DCTN1: variants seen among roughly 807,000 people sequenced by gnomAD.
DCTN1 encodes the protein 150 kDa dynein-associated polypeptide.
In DCTN1, 61 loss-of-function variants were observed where a neutral mutation model predicts 161.2. The observed-to-expected ratio is 0.38, with a 90% CI of 0.31 to 0.47. The LOEUF is 0.47. DCTN1 is among the 20% of genes least tolerant of loss of function. DCTN1 has a pLI of 0.99. For missense variants in DCTN1, 1,404 were observed against 1,623.7 expected, an observed-to-expected ratio of 0.86 and a Z score of 2.33; for synonymous variants, 653 against 632.4, an observed-to-expected ratio of 1.03 and a Z score of -0.49.
Position 74,370,773 on chromosome 2 carries a change from T to C in DCTN1, c.896A>G (p.Asp299Gly). Residue 299 changes from aspartate (D) to glycine (G), a missense_variant, in exon 10 of 32, where the codon GAT becomes GGT. Transcript: ENST00000628224. The surrounding 1 kb of genome is among the most constrained non-coding windows in gnomAD (Gnocchi z 4.4). ...GGCCATCTCAATGGCATCAGCAGTA[T>C]CAGCCATCTCCTCCATATAGCGTTC... ...AKERYMEEMA[D>G]TADAIEMATL... The C allele has an allele frequency of 6.2e-7, 1 of 1,614,200 alleles. No homozygotes were observed. The highest frequency in any genetic ancestry group is 8.5e-7 in the Non-Finnish European group (1 of 1,180,040).
chr2:74,366,746 C>T (rs768087061), intron 21 of DCTN1, 37 bp downstream of exon 21: 1 of 1,614,244 alleles, frequency 6.2e-7, no homozygotes, highest in Non-Finnish European at 8.5e-7. Flanking sequence ...CATGTTTCTA[C>T]TCAGTTTCCT....
chr2:74,391,211 G>A (rs979002011), intron 1 of DCTN1: 1 of 155,496 alleles, frequency 6.4e-6, no homozygotes, highest in Non-Finnish European at 1.4e-5. Flanking sequence ...GGTCAACATG[G>A]GTTTGCTGCT....
At chr2:74,368,303 T>C in intron 16 of DCTN1, 172 bp from the exon 17 acceptor site, 1 of 839,206 alleles carries the variant, frequency 1.2e-6, no homozygotes, top group Non-Finnish European at 1.9e-6. Context: ...AGGGTAGTGA[T>C]GTGATTACTG....
chr2:74,372,937 C>T lies in DCTN1; in HGVS notation c.444G>A (p.Arg148=). 6.2e-7 allele frequency: 1 copy of T among 1,613,968 alleles called. No homozygotes were observed. The change falls in exon 7 of 32, where the codon CGG becomes CGA. Residue 148 remains arginine, a synonymous_variant. Transcript: ENST00000628224. ...KAPTARKTTT[R]RPKPTRPAST... is the part of the protein sequence containing the mutation. ...GGGCCTGTTTTCTCACCTTGGGTCG[C>T]CGAGTTGTGGTCTGGACAGGCAACA...
chr2:74,371,806 G>C (rs539590382), intron 7 of DCTN1, 78 bp from the exon 8 acceptor site: 1 of 1,188,116 alleles, frequency 8.4e-7, no homozygotes, highest in South Asian at 1.3e-5. Context: ...CAGAATATGA[G>C]AATATGGCAA....
Position 74,367,865 on chromosome 2 carries a change from C to T in DCTN1, c.2016-1G>A. 6.2e-7 allele frequency: 1 copy of T among 1,614,204 alleles called. No homozygotes were observed. Among genetic ancestry groups the T allele is most frequent in the Non-Finnish European group, 8.5e-7 (1 of 1,180,036 alleles). On this transcript the variant is annotated splice_acceptor_variant, in intron 17 of 31. Transcript: ENST00000628224. LOFTEE classifies it high-confidence loss of function. ...ATCCACACTGCACTGAGAGAGGGCA[C>T]TAGAGACCAGAGAAGGGCACTGTGA...
intron 15 of DCTN1, 22 bp from the exon 16 acceptor site, chr2:74,368,902 G>A: frequency 6.2e-7 from 1 of 1,614,012 alleles, no homozygotes; most frequent in African/African-American, 1.3e-5. Flanking sequence ...ACAGGGAGGA[G>A]GACTCTTAGC....
At chr2:74,377,534 A>C in intron 3 of DCTN1, 68 bp from the exon 4 acceptor site, 6 of 1,538,570 alleles carry the variant, frequency 3.9e-6, no homozygotes, top group Non-Finnish European at 5.4e-6. Context: ...TAATAAGGGA[A>C]TATGGTAGTG....
At chr2:74,362,873 A>G in intron 29 of DCTN1, 121 bp downstream of exon 29, 1 of 1,353,580 alleles carries the variant, frequency 7.4e-7, no homozygotes, top group Non-Finnish European at 1.0e-6. Flanking sequence ...CTGAACAGTG[A>G]AGCCAAAGAA....
intron 16 of DCTN1, 139 bp downstream of exon 16, chr2:74,368,589 G>C: frequency 2.7e-6 from 3 of 1,091,254 alleles, no homozygotes; most frequent in Non-Finnish European, 4.1e-6. Flanking sequence ...TATATTAATC[G>C]GTGACTTTGC....
Position 74,362,042 on chromosome 2 carries a change from T to C in DCTN1, c.3699+10A>G. The C allele has an allele frequency of 6.2e-7, 1 of 1,612,240 alleles. No homozygotes were observed. The highest frequency in any genetic ancestry group is 1.1e-5 in the South Asian group (1 of 90,984). On this transcript the variant is annotated intron_variant, in intron 31 of 31. Transcript: ENST00000628224. ...CACTGTCCCATCCTCCACCCCATGC[T>C]CCCCCTCACCCTGAGGAAGGCTGAT...
chr2:74,366,388 A>G lies in DCTN1; in HGVS notation c.2629-13T>C. On this transcript the variant is annotated splice_polypyrimidine_tract_variant and intron_variant, in intron 22 of 31. Coordinates refer to ENST00000628224, the MANE Select transcript of DCTN1 (RefSeq NM_004082.5). ...GGGTCCCATAGATCTGCAGGAGCCA[A>G]GGGCAGAAGTAAAAGCCCCACACTG... 1 of 1,614,198 alleles carries G rather than the reference A, an allele frequency of 6.2e-7. No homozygotes were observed. The highest frequency in any genetic ancestry group is 8.5e-7 in the Non-Finnish European group (1 of 1,180,024).
At chr2:74,364,626 GACC>G (rs1261798481) in intron 26 of DCTN1, 8 of 278,216 alleles carry the variant, frequency 2.9e-5, no homozygotes, top group Non-Finnish European at 5.6e-5. Context: ...TGGAAGATAT[GACC>G]ACATCATAAA....
intron 30 of DCTN1, among the ~76,000 whole-genome samples, chr2:74,362,350 A>G (rs1024202153): frequency 1.3e-5 from 2 of 152,132 alleles, no homozygotes; most frequent in African/African-American, 4.8e-5. Context: ...CCCAACTCAC[A>G]TTCTACCGCT....
chr2:74,379,159 T>C (rs963533926), intron 1 of DCTN1, among the ~76,000 whole-genome samples: 5 of 151,998 alleles, frequency 3.3e-5, no homozygotes, highest in African/African-American at 9.7e-5. Flanking sequence ...CTGAACACAA[T>C]AGAAAATTAG....
At chr2:74,386,540 T>C (rs1184095501) in intron 1 of DCTN1, 1 of 152,216 alleles carries the variant, frequency 6.6e-6, no homozygotes, top group East Asian at 1.9e-4. Context: ...CTCAACACTC[T>C]TGGAGCTTAT....
At position 74,362,645 on chromosome 2, in the gene DCTN1, C is replaced by T; in HGVS notation, c.3609+5G>A. 1.2e-6 allele frequency: 2 copies of T among 1,613,454 alleles called. No homozygotes were observed. Among genetic ancestry groups the T allele is most frequent in the East Asian group, 4.5e-5 (2 of 44,872 alleles). ...AGTGAGCTCTGCCTGGCAAACTGAG[C>T]TGACCTTGAGCTTCTCGACGGTGTC... On this transcript the variant is annotated splice_donor_5th_base_variant and intron_variant, in intron 30 of 31. Transcript: ENST00000628224.
chr2:74,390,310 T>G (rs1675935556), intron 1 of DCTN1, among the ~76,000 whole-genome samples: 1 of 152,236 alleles, frequency 6.6e-6, no homozygotes, highest in Non-Finnish European at 1.5e-5. Flanking sequence ...GTTTGATTGT[T>G]AAGAGATAAT....
At chr2:74,390,734 T>C (rs933749381) in intron 1 of DCTN1, 1 of 371,210 alleles carries the variant, frequency 2.7e-6, no homozygotes, top group Non-Finnish European at 5.7e-6. Flanking sequence ...GGGAACTTGT[T>C]AGAAATGCAG....
Sources: gnomAD v4.1 joint callset for allele counts (sites outside exome capture counted in the v4.1 genomes callset) on GRCh38, gnomAD v4.1.1 for gene constraint, Gnocchi (gnomAD v3.1) non-coding constraint, MANE v1.5 for transcripts, NCBI Gene and HGNC (gene_info 2026-07-23, HGNC 2026-07-21) for gene names.